NCAM2: variants seen among roughly 807,000 people sequenced by gnomAD.
NCAM2 encodes the protein N-CAM-2.
A neutral mutation model predicts 98.1 loss-of-function variants in NCAM2; 30 were observed. The observed-to-expected ratio is 0.31, with a 90% CI of 0.23 to 0.41. The LOEUF (loss-of-function observed/expected upper bound fraction) is 0.41, where lower values mean the gene tolerates loss of function less well. NCAM2 is among the 10% of genes least tolerant of loss of function. NCAM2 has a pLI of 1.00. For synonymous variants in NCAM2, 368 were observed against 342.4 expected, an observed-to-expected ratio of 1.07 and a Z score of -0.83; for missense variants, 867 against 1,005.8, an observed-to-expected ratio of 0.86 and a Z score of 1.87.
intron 15 of NCAM2, among the ~76,000 whole-genome samples, chr21:21,494,851 G>A (rs1223132329): frequency 1.3e-5 from 2 of 151,554 alleles, no homozygotes; most frequent in Non-Finnish European, 3.0e-5. Flanking sequence ...AAAATTTTTA[G>A]TACTTTGTGA....
chr21:21,061,905 G>A (rs932158837), intron 1 of NCAM2, among the ~76,000 whole-genome samples: 3 of 152,054 alleles, frequency 2.0e-5, no homozygotes, highest in Admixed American at 6.6e-5. Flanking sequence ...GTATTTCAAT[G>A]CAATAATTGT....
chr21:21,409,843 G>C (rs1024865453), intron 9 of NCAM2, among the ~76,000 whole-genome samples: 1 of 152,172 alleles, frequency 6.6e-6, no homozygotes, highest in Admixed American at 6.5e-5. Flanking sequence ...GGGAGCGGTG[G>C]CTCACGCCTG....
intron 1 of NCAM2, among the ~76,000 whole-genome samples, chr21:21,109,660 C>T (rs1444747494): frequency 1.3e-5 from 2 of 152,126 alleles, no homozygotes; most frequent in African/African-American, 4.8e-5. Context: ...TGTTGAACCT[C>T]TAAAATATTT....
chr21:21,381,776 T>A (rs2076159122), intron 9 of NCAM2, among the ~76,000 whole-genome samples: 1 of 152,184 alleles, frequency 6.6e-6, no homozygotes, highest in Non-Finnish European at 1.5e-5. Flanking sequence ...TAAAAAAATA[T>A]TTTATATGTA....
At chr21:21,099,129 G>T (rs2066185426) in intron 1 of NCAM2, among the ~76,000 whole-genome samples, 1 of 151,564 alleles carries the variant, frequency 6.6e-6, no homozygotes, top group East Asian at 1.9e-4. Context: ...AAAATAAAAT[G>T]AAACAAAATG....
intron 7 of NCAM2, 96 bp from the exon 8 acceptor site, chr21:21,338,293 C>G (rs1198892082): frequency 8.8e-7 from 1 of 1,137,024 alleles, no homozygotes; most frequent in East Asian, 2.6e-5. Context: ...TAATATCATA[C>G]TATACTATAG....
intron 1 of NCAM2, among the ~76,000 whole-genome samples, chr21:21,000,336 C>A (rs1277060590): frequency 1.3e-5 from 2 of 152,102 alleles, no homozygotes; most frequent in Non-Finnish European, 2.9e-5. Flanking sequence ...TTTATGCAGA[C>A]TTAGGATTAC....
chr21:21,043,689 A>G (rs1441245320), intron 1 of NCAM2, among the ~76,000 whole-genome samples: 3 of 151,632 alleles, frequency 2.0e-5, no homozygotes, highest in African/African-American at 7.3e-5. Flanking sequence ...CGAATCTACT[A>G]AAAATACAAA....
chr21:21,110,823 C>G (rs558245821), intron 1 of NCAM2, among the ~76,000 whole-genome samples: 1 of 152,050 alleles, frequency 6.6e-6, no homozygotes, highest in East Asian at 2.0e-4. Context: ...GTTCCTTAAA[C>G]TAGTAACTTT....
At chr21:21,304,886 T>G (rs2147670780) in intron 5 of NCAM2, among the ~76,000 whole-genome samples, 1 of 152,348 alleles carries the variant, frequency 6.6e-6, no homozygotes, top group Admixed American at 6.5e-5. Flanking sequence ...ATTTTGATGC[T>G]ATTATAAACC....
intron 1 of NCAM2, among the ~76,000 whole-genome samples, chr21:21,037,042 C>CT (rs1236296402): frequency 6.6e-6 from 1 of 151,854 alleles, no homozygotes; most frequent in Non-Finnish European, 1.5e-5. Flanking sequence ...GGGTGAAATG[C>CT]TTTTTTTTGA....
chr21:21,213,422 T>C (rs1330479163), intron 1 of NCAM2, among the ~76,000 whole-genome samples: 1 of 152,186 alleles, frequency 6.6e-6, no homozygotes, highest in Non-Finnish European at 1.5e-5. Flanking sequence ...TATTGTTAAG[T>C]TATTTAATAT....
At chr21:21,324,360 T>A (rs1200157560) in intron 5 of NCAM2, 23 bp from the exon 6 acceptor site, 1 of 1,574,570 alleles carries the variant, frequency 6.4e-7, no homozygotes, top group Non-Finnish European at 8.7e-7. Flanking sequence ...TCTCTATTTA[T>A]TCTGTATTCA....
intron 1 of NCAM2, among the ~76,000 whole-genome samples, chr21:21,072,679 G>GTATTC (rs2146370510): frequency 6.6e-6 from 1 of 152,180 alleles, no homozygotes; most frequent in East Asian, 1.9e-4. Context: ...AATACAAATT[G>GTATTC]TTGAGTGCCC....
chr21:21,273,163 C>T (rs915033016), intron 1 of NCAM2, among the ~76,000 whole-genome samples: 2 of 152,180 alleles, frequency 1.3e-5, no homozygotes, highest in Non-Finnish European at 2.9e-5. Context: ...AGCAATGACA[C>T]AATCCTTTGC....
chr21:21,473,323 C>G (rs1984703435), intron 14 of NCAM2, among the ~76,000 whole-genome samples: 1 of 142,648 alleles, frequency 7.0e-6, no homozygotes, highest in South Asian at 2.2e-4. Flanking sequence ...AAAATATATG[C>G]TTGTGTGTAT....
At chr21:21,508,412 A>C (rs233780) in intron 15 of NCAM2, among the ~76,000 whole-genome samples, 5,318 of 152,160 alleles carry the variant, frequency 0.035, 311 homozygotes, top group African/African-American at 0.12. Flanking sequence ...TAGAAGATTT[A>C]TTTAACACTT....
intron 16 of NCAM2, among the ~76,000 whole-genome samples, chr21:21,528,829 A>G (rs1188304906): frequency 6.6e-6 from 1 of 152,024 alleles, no homozygotes; most frequent in Non-Finnish European, 1.5e-5. Flanking sequence ...ATAAGGAAGA[A>G]ACAAGAAGAA....
intron 1 of NCAM2, among the ~76,000 whole-genome samples, chr21:21,234,529 C>A (rs910673206): frequency 6.6e-6 from 1 of 151,796 alleles, no homozygotes; most frequent in African/African-American, 2.4e-5. Flanking sequence ...GTTGAAGTAT[C>A]GATTTATTTC....
Sources: allele counts gnomAD v4.1 joint callset (sites outside exome capture counted in the v4.1 genomes callset), GRCh38; gene constraint gnomAD v4.1.1; transcripts MANE v1.5; gene names NCBI Gene and HGNC (gene_info 2026-07-23, HGNC 2026-07-21).